Variants in PECAM1 observed in about 807,000 individuals in gnomAD.
PECAM1 encodes the protein platelet and endothelial cell adhesion molecule 1, also known as platelet endothelial cell adhesion molecule.
A neutral mutation model predicts 13.8 loss-of-function variants in PECAM1; 8 were observed. The ratio of observed to expected loss-of-function variants is 0.58; its 90% CI spans 0.34 to 1.05. The LOEUF (loss-of-function observed/expected upper bound fraction) is 1.05. Ranked by LOEUF, PECAM1 falls within the 50% of genes least tolerant of loss-of-function variation. The probability of loss-of-function intolerance (pLI) is 0.03; values close to 1 mark genes in which losing one functional copy is unlikely to be tolerated. For synonymous variants in PECAM1, 136 were observed against 52.6 expected (o/e 2.58, Z -6.86); for missense variants, 304 against 141.2 (o/e 2.15, Z -5.84).
chr17:64,356,028 C>A (rs56074753), intron 8 of PECAM1, 83 bp downstream of exon 8: 5 of 472,834 alleles, frequency 1.1e-5, no homozygotes, highest in East Asian at 9.4e-5. Context: ...GACTCCCCCC[C>A]AACTCCCTCT....
At chr17:64,384,053 T>C (rs1024635179) in intron 2 of PECAM1, among the ~76,000 whole-genome samples, 3 of 151,990 alleles carry the variant, frequency 2.0e-5, no homozygotes, top group African/African-American at 4.8e-5. Flanking sequence ...ATCACTTGAA[T>C]CCAGGAGGTA....
intron 14 of PECAM1, among the ~76,000 whole-genome samples, chr17:64,340,826 G>A (rs1170214391): frequency 2.0e-5 from 3 of 152,026 alleles, no homozygotes; most frequent in Non-Finnish European, 4.4e-5. Flanking sequence ...TGCTGGGCGC[G>A]GTGGCTCACA....
At chr17:64,344,689 G>A (rs1235927871) in intron 13 of PECAM1, among the ~76,000 whole-genome samples, 5 of 152,022 alleles carry the variant, frequency 3.3e-5, no homozygotes, top group South Asian at 2.1e-4. Flanking sequence ...GCCCCTTTTC[G>A]TACCTGGTAA....
intron 13 of PECAM1, among the ~76,000 whole-genome samples, chr17:64,346,037 G>A (rs932046541): frequency 2.7e-4 from 41 of 152,232 alleles, no homozygotes; most frequent in Non-Finnish European, 5.7e-4. Flanking sequence ...CCATTGCCAT[G>A]TGGTCTGGCT....
intron 14 of PECAM1, among the ~76,000 whole-genome samples, chr17:64,336,880 G>C (rs1438790999): frequency 1.9e-5 from 2 of 103,268 alleles, no homozygotes; most frequent in East Asian, 8.0e-4. Context: ...GAAAAGAAAA[G>C]AAAGAAGGAA....
chr17:64,322,188 T>C lies in PECAM1; in HGVS notation c.*1628A>G, dbSNP rs8076821. 334,037 of 620,876 alleles carry C rather than the reference T, an allele frequency of 0.54. 90,963 individuals are homozygous for C. Among genetic ancestry groups the C allele is most frequent in the East Asian group, 0.7 (5,147 of 7,394 alleles). 38.5% of individuals were successfully genotyped at this position (620,876 alleles called of 1,614,324 possible). A position where few individuals can be genotyped will look rare whatever the true frequency, so the allele number is the denominator to read the frequency against. On this transcript the variant is annotated 3_prime_UTR_variant, in exon 16 of 16. Coordinates refer to ENST00000563924, the MANE Select transcript of PECAM1 (RefSeq NM_000442.5). ...ATCACCAAAGGTCAGGCATTCGAGATCAGCCTGGCCAACGTGGTGAAACCC... is the reference window on the plus strand; with the variant it reads ...ATCACCAAAGGTCAGGCATTCGAGACCAGCCTGGCCAACGTGGTGAAACCC...
rs1418692450 is a variant in PECAM1, at chr17:64,360,195, A to G, written c.1437T>C (p.Asp479=). ...ACATTTTGGCATGGGAATGGCAATT[A>G]TCTGCAACACACTGGTATTCGACGT... ...TEDVEYQCVA[D]NCHSHAKMLS... is the part of the protein sequence containing the mutation. Residue 479 remains aspartate, a synonymous_variant, in exon 7 of 16, where the codon GAT becomes GAC. Coordinates refer to ENST00000563924, the MANE Select transcript of PECAM1 (RefSeq NM_000442.5). The G allele has an allele frequency of 4.2e-6, 2 of 475,282 alleles. No homozygotes were observed. The highest frequency in any genetic ancestry group is 3.2e-5 in the Admixed American group (1 of 31,722). The allele number at this position is 475,282 out of a possible 1,614,324, so 29.4% of individuals were successfully genotyped here.
intron 4 of PECAM1, among the ~76,000 whole-genome samples, chr17:64,373,883 T>C (rs2036297597): frequency 1.3e-5 from 2 of 152,252 alleles, no homozygotes; most frequent in Non-Finnish European, 2.9e-5. Flanking sequence ...GCTTGGCAAA[T>C]GAGACCGGGT....
intron 2 of PECAM1, 104 bp from the exon 3 acceptor site, chr17:64,378,221 G>A (rs1392518853): frequency 2.5e-6 from 1 of 403,336 alleles, no homozygotes; most frequent in Non-Finnish European, 4.4e-6. Flanking sequence ...ATCCTATGCA[G>A]TATTGAGTCC....
Position 64,321,288 on chromosome 17 carries a change from C to T in PECAM1, c.*2528G>A. The T allele has an allele frequency of 3.9e-6, 1 of 258,252 alleles. No homozygotes were observed. The highest frequency in any genetic ancestry group is 6.1e-6 in the Non-Finnish European group (1 of 165,182). 16.0% of individuals were successfully genotyped at this position (258,252 alleles called of 1,614,324 possible). On this transcript the variant is annotated 3_prime_UTR_variant, in exon 16 of 16. Coordinates refer to ENST00000563924, the MANE Select transcript of PECAM1 (RefSeq NM_000442.5). The stretch of plus-strand genomic sequence containing the variant: ...GCCGAGAAAACTCCTGGAGTGGGTG[C>T]TCCTGGGATGCTTCAGGTTTAGACA...
rs1555644483 is a variant in PECAM1, at chr17:64,321,932, C to T, written c.*1884G>A. On this transcript the variant is annotated 3_prime_UTR_variant, in exon 16 of 16. Transcript: ENST00000563924. ...GCTGTCCCCAGATCATCAACAGAGACATGAAGGTCGTTAGAGGTCGTCTGA... is the reference window on the plus strand; with the variant it reads ...GCTGTCCCCAGATCATCAACAGAGATATGAAGGTCGTTAGAGGTCGTCTGA... The T allele has an allele frequency of 7.5e-7, 1 of 1,328,342 alleles. No homozygotes were observed. The highest frequency in any genetic ancestry group is 1.1e-5 in the South Asian group (1 of 87,396). The allele number at this position is 1,328,342 out of a possible 1,614,324, so 82.3% of individuals were successfully genotyped here.
intron 13 of PECAM1, among the ~76,000 whole-genome samples, chr17:64,347,461 C>T (rs1279791747): frequency 6.7e-6 from 1 of 148,906 alleles, no homozygotes; most frequent in African/African-American, 2.5e-5. Context: ...AACCCGGAGG[C>T]AGAGGTTGCA....
intron 6 of PECAM1, among the ~76,000 whole-genome samples, chr17:64,361,921 C>T (rs1334442458): frequency 6.6e-6 from 1 of 152,188 alleles, no homozygotes; most frequent in Non-Finnish European, 1.5e-5. Flanking sequence ...TTATAACACA[C>T]ATTTGTCTCT....
Position 64,386,063 on chromosome 17 carries a change from G to A in PECAM1, c.91+4426C>T, listed in dbSNP as rs1048901008. Among the ~76,000 whole-genome samples the A allele has an allele frequency of 8.5e-5, 13 of 152,350 alleles. No individual in the cohort carries two copies. The East Asian group carries it at 2.5e-3, about 29-fold the overall frequency. ...ATGAGGCCTGAGCTAGGCGGGTGCA[G>A]TGGGGATGAGGGAAGGATAGGCTGG... On this transcript the variant is annotated intron_variant, in intron 2 of 15. Coordinates refer to ENST00000563924, the MANE Select transcript of PECAM1 (RefSeq NM_000442.5).
intron 5 of PECAM1, among the ~76,000 whole-genome samples, chr17:64,369,264 CTT>C (rs2036183919): frequency 6.6e-6 from 1 of 152,068 alleles, no homozygotes; most frequent in African/African-American, 2.4e-5. Context: ...TTTACTAATG[CTT>C]TCTCATTTGT....
Position 64,375,126 on chromosome 17 carries a change from A to T in PECAM1, c.616T>A (p.Cys206Ser). 1 of 475,416 alleles carries T rather than the reference A, an allele frequency of 2.1e-6. No individual in the cohort carries two copies. The highest frequency in any genetic ancestry group is 6.7e-5 in the South Asian group (1 of 14,882). 29.4% of individuals were successfully genotyped at this position (475,416 alleles called of 1,614,324 possible). A position where few individuals can be genotyped will look rare whatever the true frequency, so the allele number is the denominator to read the frequency against. ...EEQDRVLSFR[C>S]QARIISGIHM... ...ATCCCAGAAATGATCCTAGCTTGAC[A>T]TCGGAAGGATAAAACGCGGTCCTGT... The change falls in exon 4 of 16, where the codon TGT becomes AGT. Residue 206 changes from cysteine to serine, a missense_variant. By Grantham distance (112) the Cys-to-Ser change is moderately radical. Transcript: ENST00000563924.
chr17:64,335,985 C>G (rs2035265706), intron 14 of PECAM1, among the ~76,000 whole-genome samples: 1 of 152,024 alleles, frequency 6.6e-6, no homozygotes, highest in South Asian at 2.1e-4. Flanking sequence ...ATGATCTGGC[C>G]GGGCGTGGTG....
chr17:64,361,113 A>G (rs905133678), intron 6 of PECAM1, among the ~76,000 whole-genome samples: 1 of 128,380 alleles, frequency 7.8e-6, no homozygotes, highest in African/African-American at 3.4e-5. Flanking sequence ...GAGCCACCAC[A>G]CCTGGCTGAG....
intron 13 of PECAM1, among the ~76,000 whole-genome samples, chr17:64,345,772 C>G (rs2035550717): frequency 2.6e-5 from 4 of 151,726 alleles, no homozygotes; most frequent in South Asian, 2.1e-4. Flanking sequence ...TTCCCCACCC[C>G]TCTCAGGTCC....
Sources: allele counts gnomAD v4.1 joint callset (sites outside exome capture counted in the v4.1 genomes callset), GRCh38; gene constraint gnomAD v4.1.1; transcripts MANE v1.5; gene names NCBI Gene and HGNC (gene_info 2026-07-23, HGNC 2026-07-21).